Variants in ARHGEF26 observed in about 807,000 individuals in gnomAD.
ARHGEF26 encodes Rho guanine nucleotide exchange factor (GEF) 26.
ARHGEF26 carries 59 observed loss-of-function variants against 89.4 expected under a neutral mutation model. The observed-to-expected ratio is 0.66, with a 90% CI of 0.54 to 0.82. The LOEUF is 0.82. ARHGEF26 is among the 40% of genes least tolerant of loss of function. ARHGEF26 has a pLI of 0.00. For missense variants in ARHGEF26, 1,234 were observed against 1,085.6 expected (o/e 1.14, Z -1.92); for synonymous variants, 500 against 428.4 (o/e 1.17, Z -2.06).
intron 4 of ARHGEF26, among the ~76,000 whole-genome samples, chr3:154,143,879 G>A (rs896582637): frequency 3.3e-5 from 5 of 152,058 alleles, no homozygotes; most frequent in African/African-American, 9.7e-5. Context: ...TCTTAATTTA[G>A]CTGATAGATA....
chr3:154,211,508 G>A (rs1297406642), intron 9 of ARHGEF26, among the ~76,000 whole-genome samples: 2 of 151,272 alleles, frequency 1.3e-5, no homozygotes, highest in East Asian at 3.9e-4. Flanking sequence ...GCTGCTGTAG[G>A]AGACGGGGGT....
intron 9 of ARHGEF26, among the ~76,000 whole-genome samples, chr3:154,208,847 C>A (rs1312094589): frequency 1.4e-5 from 2 of 147,662 alleles, no homozygotes; most frequent in Non-Finnish European, 3.0e-5. Context: ...CTCACTGCAA[C>A]CTCCGCCTAC....
chr3:154,252,983 C>A, intron 12 of ARHGEF26, 133 bp from the exon 13 acceptor site: 1 of 891,064 alleles, frequency 1.1e-6, no homozygotes, highest in Non-Finnish European at 1.7e-6. Flanking sequence ...AAACTACTCT[C>A]ACCCTGTTTT....
chr3:154,247,986 T>TG (rs1426351338), intron 12 of ARHGEF26, among the ~76,000 whole-genome samples: 2 of 152,200 alleles, frequency 1.3e-5, no homozygotes, highest in Non-Finnish European at 2.9e-5. Context: ...GAGCCCCCTT[T>TG]GTCTGCCTTC....
rs780048687 is a variant in ARHGEF26 at position 154,122,218 on chromosome 3, A to G, written c.226A>G (p.Thr76Ala). The G allele has an allele frequency of 1.2e-6, 2 of 1,608,042 alleles. No homozygotes were observed. Among genetic ancestry groups the G allele is most frequent in the South Asian group, 2.2e-5 (2 of 90,190 alleles). The change falls in exon 2 of 15, where the codon ACG becomes GCG. Residue 76 changes from threonine (T) to alanine (A), a missense_variant. Physicochemically the swap from Thr to Ala is moderately conservative, Grantham distance 58. Transcript: ENST00000465093. ...AQVPTASDSR[T>A]VHRSPLLLGA... ...GGTGCCCACCGCCTCGGACAGCAGG[A>G]CGGTACATAGGAGCCCCCTGCTTCT...
In ARHGEF26 at chr3:154,255,405, T is replaced by C; in HGVS notation, c.2548T>C (p.Cys850Arg). ...TATGGAATGTGCCAAGGAGATAACA[T>C]GTCAAGCTACAATTGATAAGAATGT... ...FPMECAKEIT[C>R]QATIDKNVER... Residue 850 changes from cysteine (C) to arginine (R), a missense_variant, in exon 15 of 15, where the codon TGT becomes CGT. Coordinates refer to ENST00000465093, the MANE Select transcript of ARHGEF26 (RefSeq NM_015595.4). The C allele has an allele frequency of 1.9e-6, 3 of 1,613,700 alleles. No homozygotes were observed. The highest frequency in any genetic ancestry group is 2.5e-6 in the Non-Finnish European group (3 of 1,179,840).
At chr3:154,234,007 T>C (rs1167148413) in intron 11 of ARHGEF26, among the ~76,000 whole-genome samples, 1 of 152,254 alleles carries the variant, frequency 6.6e-6, no homozygotes, top group African/African-American at 2.4e-5. Context: ...AAAAATCATA[T>C]GAATATCAAT....
intron 6 of ARHGEF26, among the ~76,000 whole-genome samples, chr3:154,180,664 T>G (rs754358438): frequency 1.9e-4 from 1 of 5,146 alleles, no homozygotes; most frequent in Non-Finnish European, 3.0e-4. Context: ...CAGAGCATTT[T>G]TGTTTAGAAC....
chr3:154,138,025 T>C (rs187385176), intron 4 of ARHGEF26, among the ~76,000 whole-genome samples: 3 of 152,306 alleles, frequency 2.0e-5, no homozygotes, highest in South Asian at 2.1e-4. Context: ...ATACAGACTA[T>C]TTATAATATA....
intron 12 of ARHGEF26, among the ~76,000 whole-genome samples, chr3:154,247,258 C>T (rs1717853807): frequency 6.6e-6 from 1 of 152,160 alleles, no homozygotes; most frequent in Admixed American, 6.6e-5. Context: ...GTGGCTTTCC[C>T]CGACACACAC....
rs1463740590 is a variant in ARHGEF26 at position 154,123,009 on chromosome 3, G to C, written c.1017G>C (p.Met339Ile). The C allele has an allele frequency of 1.2e-6, 2 of 1,613,764 alleles. No homozygotes were observed. Among genetic ancestry groups the C allele is most frequent in the Non-Finnish European group, 1.7e-6 (2 of 1,179,882 alleles). Residue 339 changes from methionine to isoleucine, a missense_variant, in exon 2 of 15, where the codon ATG becomes ATC. Physicochemically the swap from Met to Ile is conservative, Grantham distance 10. Transcript: ENST00000465093. ...CCAGCTCGAAGAAGAAGAACAGAATGTCCCAGCCTGTTCTGAAAGTGGTGA... is the reference window on the plus strand; with the variant it reads ...CCAGCTCGAAGAAGAAGAACAGAATCTCCCAGCCTGTTCTGAAAGTGGTGA... ...SPTSSKKKNR[M>I]SQPVLKVVME...
At chr3:154,209,697 G>A (rs912773210) in intron 9 of ARHGEF26, among the ~76,000 whole-genome samples, 2 of 152,182 alleles carry the variant, frequency 1.3e-5, no homozygotes, top group African/African-American at 2.4e-5. Context: ...CGCCGGGTAA[G>A]ACCTGAGGCC....
intron 4 of ARHGEF26, among the ~76,000 whole-genome samples, chr3:154,143,648 C>T (rs1719519744): frequency 6.6e-6 from 1 of 152,142 alleles, no homozygotes; most frequent in Non-Finnish European, 1.5e-5. Flanking sequence ...ACAGTTAAGA[C>T]TGAAAGCTGC....
chr3:154,187,849 C>T lies in ARHGEF26; in HGVS notation c.1640+12C>T, dbSNP rs374237398. 1.1e-5 allele frequency: 18 copies of T among 1,601,962 alleles called. No individual in the cohort carries two copies. The highest frequency in any genetic ancestry group is 1.0e-4 in the Admixed American group (6 of 58,920). ...CTACAAAAATTGTTGTAAGCAATGTCGAATGCTACAGTTTTAATCATCTAA... is the reference window on the plus strand; with the variant it reads ...CTACAAAAATTGTTGTAAGCAATGTTGAATGCTACAGTTTTAATCATCTAA... On this transcript the variant is annotated intron_variant, in intron 7 of 14. Transcript: ENST00000465093.
intron 3 of ARHGEF26, among the ~76,000 whole-genome samples, chr3:154,127,169 T>C (rs1262922925): frequency 6.6e-6 from 1 of 152,228 alleles, no homozygotes. Flanking sequence ...TTACAAATAC[T>C]GTACATTTAA....
intron 4 of ARHGEF26, among the ~76,000 whole-genome samples, chr3:154,139,460 A>G (rs1719225623): frequency 6.6e-6 from 1 of 152,230 alleles, no homozygotes; most frequent in Non-Finnish European, 1.5e-5. Context: ...CAAGAATAAT[A>G]GCAGTCTGTA....
At position 154,149,413 on chromosome 3, in the gene ARHGEF26, A is replaced by T; in HGVS notation, c.1294A>T (p.Thr432Ser). 1 of 1,608,468 alleles carries T rather than the reference A, an allele frequency of 6.2e-7. No individual in the cohort carries two copies. The highest frequency in any genetic ancestry group is 8.5e-7 in the Non-Finnish European group (1 of 1,177,118). Residue 432 changes from threonine to serine, a missense_variant, in exon 5 of 15, where the codon ACA (threonine) becomes TCA (serine). Physicochemically the swap from Thr to Ser is moderately conservative, Grantham distance 58 (BLOSUM62 1). Coordinates refer to ENST00000465093, the MANE Select transcript of ARHGEF26 (RefSeq NM_015595.4). ...SAVKRKGLSQ[T>S]VSQEERKRQE... ...GGTGAAAAGAAAGGGATTATCTCAG[A>T]CAGTAAGCCAGGAGGAAAGAAAGAG...
At chr3:154,124,372 C>CTTTTTTTTTTTTTTTTTTTCTTTT (rs10688646) in intron 2 of ARHGEF26, 38 bp from the exon 3 acceptor site, 5 of 1,010,672 alleles carry the variant, frequency 4.9e-6, no homozygotes, top group African/African-American at 4.1e-5. Context: ...TTTGCTTTTC[C>CTTTTTTTTTTTTTTTTTTTCTTTT]TTTTTTTTTT....
intron 8 of ARHGEF26, among the ~76,000 whole-genome samples, chr3:154,194,175 T>A (rs1714139430): frequency 6.6e-6 from 1 of 152,208 alleles, no homozygotes; most frequent in Non-Finnish European, 1.5e-5. Context: ...TTGCCTCTAA[T>A]AATAATGATT....
Sources: allele counts gnomAD v4.1 joint callset (sites outside exome capture counted in the v4.1 genomes callset), GRCh38; gene constraint gnomAD v4.1.1; transcripts MANE v1.5; gene names NCBI Gene and HGNC (gene_info 2026-07-23, HGNC 2026-07-21).